The following RAD51B variants were observed in gnomAD, a reference collection of about 807,000 sequenced individuals.
RAD51B encodes DNA repair protein RAD51 homolog 2.
Under a neutral mutation model 42.2 loss-of-function variants are expected in RAD51B, and 38 were observed. That is an observed-to-expected ratio of 0.90 (90% CI 0.70 to 1.18). The LOEUF is 1.18. Among genes scored for constraint, RAD51B ranks in the 50% most tolerant of loss-of-function variants. The probability of loss-of-function intolerance (pLI) is 0.00; values close to 1 mark genes in which losing one functional copy is unlikely to be tolerated. For missense variants in RAD51B, 373 were observed against 400.7 expected, an observed-to-expected ratio of 0.93 and a Z score of 0.59; for synonymous variants, 154 against 145.2, an observed-to-expected ratio of 1.06 and a Z score of -0.43.
intron 10 of RAD51B, among the ~76,000 whole-genome samples, chr14:68,493,425 T>C (rs1194259859): frequency 1.3e-5 from 2 of 152,048 alleles, no homozygotes; most frequent in Admixed American, 1.3e-4. Flanking sequence ...TTTCATGTAG[T>C]TAGAATTCCC....
chr14:67,886,438 A>G (rs1351808081), intron 6 of RAD51B, among the ~76,000 whole-genome samples: 6 of 152,046 alleles, frequency 3.9e-5, no homozygotes, highest in Admixed American at 2.6e-4. Flanking sequence ...GCTCCCTAAT[A>G]TAGTTGTTGG....
intron 7 of RAD51B, among the ~76,000 whole-genome samples, chr14:68,094,345 G>C (rs373885520): frequency 7.9e-4 from 120 of 152,172 alleles, no homozygotes; most frequent in African/African-American, 2.8e-3. Flanking sequence ...AGCATCGTTT[G>C]AGGTAGCACA....
chr14:68,076,131 G>A (rs1363813114), intron 7 of RAD51B, among the ~76,000 whole-genome samples: 1 of 152,236 alleles, frequency 6.6e-6, no homozygotes, highest in Non-Finnish European at 1.5e-5. Flanking sequence ...AAATACTGAG[G>A]AGAGTATCAA....
intron 10 of RAD51B, among the ~76,000 whole-genome samples, chr14:68,506,533 G>T (rs8003606): frequency 0.15 from 22,154 of 152,294 alleles, 2,112 homozygotes; most frequent in Middle Eastern, 0.27. Flanking sequence ...GTGCGTGCGC[G>T]TGCATGTGTG....
chr14:68,002,912 G>A (rs1240199329), intron 7 of RAD51B, among the ~76,000 whole-genome samples: 2 of 152,158 alleles, frequency 1.3e-5, no homozygotes, highest in African/African-American at 4.8e-5. Flanking sequence ...CCAGTACCAT[G>A]CTGTTTTAGT....
chr14:68,035,415 T>C (rs1048587056), intron 7 of RAD51B, among the ~76,000 whole-genome samples: 4 of 152,148 alleles, frequency 2.6e-5, no homozygotes, highest in Admixed American at 2.6e-4. Flanking sequence ...GTTACATTCT[T>C]GAGTGAGATA....
chr14:68,610,944 C>A, intron 10 of RAD51B: 1 of 665,892 alleles, frequency 1.5e-6, no homozygotes, highest in East Asian at 2.8e-5. Flanking sequence ...AATGTTGTTT[C>A]CTACACATCT....
intron 10 of RAD51B, among the ~76,000 whole-genome samples, chr14:68,550,168 C>T (rs1888461437): frequency 6.6e-6 from 1 of 152,198 alleles, no homozygotes; most frequent in South Asian, 2.1e-4. Context: ...CCATGAGGTG[C>T]CAGTCACCAC....
rs115687089 is a variant in RAD51B, at chr14:68,427,884, T to C, written c.957+16357T>C. ...AAAAATACATGTGTTGGAAACTTAA[T>C]GACCATTGTGATAGTATTAAGAGGT... On this transcript the variant is annotated intron_variant, in intron 9 of 10. Transcript: ENST00000471583. Among the ~76,000 whole-genome samples, 475 of 152,350 alleles carry C rather than the reference T, an allele frequency of 3.1e-3. 2 individuals are homozygous for C. Among genetic ancestry groups the C allele is most frequent in the African/African-American group, 0.011 (458 of 41,592 alleles).
intron 9 of RAD51B, among the ~76,000 whole-genome samples, chr14:68,432,144 A>G (rs1166915075): frequency 6.6e-6 from 1 of 152,214 alleles, no homozygotes; most frequent in Non-Finnish European, 1.5e-5. Context: ...GTTCTTTTAC[A>G]TTTACTGAGA....
At chr14:68,524,097 T>TACGTCATCCCTC (rs1886767559) in intron 10 of RAD51B, among the ~76,000 whole-genome samples, 1 of 152,154 alleles carries the variant, frequency 6.6e-6, no homozygotes, top group Admixed American at 6.6e-5. Flanking sequence ...ACTCACTCCT[T>TACGTCATCCCTC]ACGTCATCCC....
At chr14:68,053,636 G>A (rs2076428969) in intron 7 of RAD51B, among the ~76,000 whole-genome samples, 1 of 152,106 alleles carries the variant, frequency 6.6e-6, no homozygotes, top group Non-Finnish European at 1.5e-5. Flanking sequence ...TTTAACTCTG[G>A]GCTGTACCAT....
intron 10 of RAD51B, among the ~76,000 whole-genome samples, chr14:68,514,674 G>T (rs1188921131): frequency 3.9e-5 from 6 of 152,180 alleles, no homozygotes; most frequent in Admixed American, 6.5e-5. Context: ...CATTTGGCGG[G>T]TGGAAGTTGG....
intron 9 of RAD51B, chr14:68,422,010 G>A (rs1933421819): frequency 2.0e-6 from 3 of 1,528,750 alleles, no homozygotes; most frequent in Non-Finnish European, 2.7e-6. Context: ...TCACCACCCT[G>A]ACACATAAAC....
intron 8 of RAD51B, among the ~76,000 whole-genome samples, chr14:68,331,164 C>A (rs569157160): frequency 6.0e-4 from 91 of 151,866 alleles, no homozygotes; most frequent in Non-Finnish European, 1.0e-3. Context: ...GAGTTCAAGA[C>A]CAGCCTGGCT....
At chr14:67,831,396 T>C (rs1297872487) in intron 3 of RAD51B, among the ~76,000 whole-genome samples, 1 of 152,142 alleles carries the variant, frequency 6.6e-6, no homozygotes, top group Non-Finnish European at 1.5e-5. Context: ...TGCCAACAGT[T>C]ACAGGTCAGA....
chr14:68,267,022 G>A (rs182289675), intron 7 of RAD51B, among the ~76,000 whole-genome samples: 8 of 152,226 alleles, frequency 5.3e-5, no homozygotes, highest in African/African-American at 1.2e-4. Context: ...CTCTAAAGTC[G>A]GAGACCAAAC....
At chr14:68,004,354 AAG>A (rs1397592285) in intron 7 of RAD51B, among the ~76,000 whole-genome samples, 9 of 139,432 alleles carry the variant, frequency 6.5e-5, no homozygotes, top group African/African-American at 2.7e-4. Context: ...AAAAAAAAAA[AAG>A]AATATATTGG....
intron 8 of RAD51B, among the ~76,000 whole-genome samples, chr14:68,294,554 G>A (rs2081577134): frequency 6.6e-6 from 1 of 152,146 alleles, no homozygotes; most frequent in African/African-American, 2.4e-5. Flanking sequence ...TGTGGTGTTA[G>A]GCAGGCCCTT....
Sources: allele counts gnomAD v4.1 joint callset (sites outside exome capture counted in the v4.1 genomes callset), GRCh38; gene constraint gnomAD v4.1.1; transcripts MANE v1.5; gene names NCBI Gene and HGNC (gene_info 2026-07-23, HGNC 2026-07-21).